The following PARD3 variants were observed in gnomAD, a reference collection of about 807,000 sequenced individuals.
PARD3 encodes the protein par-3 family cell polarity regulator.
A neutral mutation model predicts 155.4 loss-of-function variants in PARD3; 75 were observed. That is an observed-to-expected ratio of 0.48 (90% CI 0.40 to 0.58). The LOEUF is 0.58. Among genes scored for constraint, PARD3 ranks in the 20% least tolerant of loss-of-function variants. The pLI is 0.00. For missense variants in PARD3, 1,642 were observed against 1,721.7 expected (o/e 0.95, Z 0.82); for synonymous variants, 576 against 610.5 (o/e 0.94, Z 0.83).
At chr10:34,724,134 T>C (rs963663768) in intron 1 of PARD3, among the ~76,000 whole-genome samples, 1 of 152,182 alleles carries the variant, frequency 6.6e-6, no homozygotes, top group Admixed American at 6.5e-5. Context: ...AAAATTCAAA[T>C]AAACTCAGTG....
At chr10:34,745,853 C>A (rs1835241166) in intron 1 of PARD3, among the ~76,000 whole-genome samples, 1 of 152,158 alleles carries the variant, frequency 6.6e-6, no homozygotes, top group African/African-American at 2.4e-5. Context: ...GTAATCCCAG[C>A]ACTTTGGGAG....
intron 23 of PARD3, among the ~76,000 whole-genome samples, chr10:34,128,308 A>G (rs1416181321): frequency 6.6e-6 from 1 of 152,174 alleles, no homozygotes; most frequent in African/African-American, 2.4e-5. Context: ...TCCCCTGCCT[A>G]TTCAATCTGA....
intron 22 of PARD3, among the ~76,000 whole-genome samples, chr10:34,250,062 C>T (rs1014436865): frequency 2.0e-5 from 3 of 152,014 alleles, no homozygotes; most frequent in African/African-American, 7.3e-5. Flanking sequence ...CTGCTGCATA[C>T]AATAAGTCCA....
intron 2 of PARD3, among the ~76,000 whole-genome samples, chr10:34,657,269 GCA>G (rs1382167998): frequency 6.6e-6 from 1 of 151,948 alleles, no homozygotes; most frequent in Non-Finnish European, 1.5e-5. Flanking sequence ...TCGAGAACAT[GCA>G]CACTTTCAAA....
intron 2 of PARD3, among the ~76,000 whole-genome samples, chr10:34,684,832 TATATACACACACAC>T (rs1564504853): frequency 7.0e-5 from 4 of 57,306 alleles, no homozygotes; most frequent in African/African-American, 3.2e-4. Flanking sequence ...CACACACACA[TATATACACACACAC>T]ATATATATAC....
At chr10:34,182,814 A>C (rs1441866927) in intron 22 of PARD3, among the ~76,000 whole-genome samples, 1 of 151,950 alleles carries the variant, frequency 6.6e-6, no homozygotes, top group Admixed American at 6.5e-5. Context: ...AGTGAGACGT[A>C]ACTATTGGTG....
intron 22 of PARD3, among the ~76,000 whole-genome samples, chr10:34,145,217 ATATATTTTT>A (rs1433370323): frequency 5.2e-5 from 3 of 57,952 alleles, no homozygotes; most frequent in African/African-American, 2.8e-4. Flanking sequence ...ATATATATAT[ATATATTTTT>A]TTTTTTTTTT....
At chr10:34,594,892 G>A (rs2089103446) in intron 2 of PARD3, among the ~76,000 whole-genome samples, 1 of 152,180 alleles carries the variant, frequency 6.6e-6, no homozygotes, top group Non-Finnish European at 1.5e-5. Context: ...CCAAGTTTTG[G>A]CATCTCCAGT....
intron 1 of PARD3, among the ~76,000 whole-genome samples, chr10:34,804,295 C>A (rs1843119187): frequency 6.6e-6 from 1 of 152,250 alleles, no homozygotes; most frequent in South Asian, 2.1e-4. Context: ...CCTTGGCCTC[C>A]CAAAGTGCTG....
intron 2 of PARD3, among the ~76,000 whole-genome samples, chr10:34,688,648 G>T (rs2093993672): frequency 6.6e-6 from 1 of 152,132 alleles, no homozygotes; most frequent in Non-Finnish European, 1.5e-5. Flanking sequence ...CTACTCCAAG[G>T]GGCCAGGGTA....
At chr10:34,333,536 A>G (rs1008583735) in intron 18 of PARD3, among the ~76,000 whole-genome samples, 1 of 152,216 alleles carries the variant, frequency 6.6e-6, no homozygotes, top group Non-Finnish European at 1.5e-5. Context: ...TGGAAGGTCA[A>G]TGAACTACTC....
rs376357232 is a variant in PARD3 at position 34,450,420 on chromosome 10, C to G, written c.611G>C (p.Arg204Pro). 7.0e-5 allele frequency: 113 copies of G among 1,613,196 alleles called. No individual in the cohort carries two copies. Among genetic ancestry groups the G allele is most frequent in the Non-Finnish European group, 8.6e-5 (101 of 1,179,760 alleles). The change falls in exon 5 of 25, where the codon CGG (arginine) becomes CCG (proline). Residue 204 changes from arginine (R) to proline (P), a missense_variant. Arg to Pro is a moderately radical substitution (Grantham distance 103, BLOSUM62 -2). This residue lies in a region of PARD3 where 1,529 missense variants were observed against 1,587.3 expected (regional missense o/e 0.96). Coordinates refer to ENST00000374788, the MANE Select transcript of PARD3 (RefSeq NM_001184785.2). ...KKDENYRSLPRDTSNWSNQFQ... is the reference protein window; with the variant it reads ...KKDENYRSLPPDTSNWSNQFQ... ...TTGGTTAGACCAGTTACTAGTATCC[C>G]GCGGGAGGCTTCTGTAGTTTTCATC... is the stretch of plus-strand genomic sequence containing the variant.
chr10:34,498,278 G>T (rs1017855452), intron 3 of PARD3, among the ~76,000 whole-genome samples: 1 of 152,106 alleles, frequency 6.6e-6, no homozygotes, highest in African/African-American at 2.4e-5. Context: ...AAAGTCTGAG[G>T]GAGATGCATA....
intron 22 of PARD3, among the ~76,000 whole-genome samples, chr10:34,231,266 C>A (rs953747697): frequency 4.6e-3 from 374 of 81,638 alleles, no homozygotes; most frequent in South Asian, 7.2e-3. Context: ...TAATCTTAGG[C>A]AAAAAAAAAA....
intron 2 of PARD3, among the ~76,000 whole-genome samples, chr10:34,546,318 C>T (rs1482212009): frequency 6.6e-6 from 1 of 151,876 alleles, no homozygotes; most frequent in African/African-American, 2.4e-5. Flanking sequence ...GGGTTCGAGA[C>T]CAGTCTGTCC....
intron 2 of PARD3, among the ~76,000 whole-genome samples, chr10:34,687,172 A>G (rs955555057): frequency 1.3e-4 from 20 of 152,228 alleles, no homozygotes; most frequent in African/African-American, 4.8e-4. Context: ...AAATTATTAT[A>G]GCACATTTCA....
intron 1 of PARD3, among the ~76,000 whole-genome samples, chr10:34,738,582 C>T (rs2094956131): frequency 6.6e-6 from 1 of 152,226 alleles, no homozygotes; most frequent in South Asian, 2.1e-4. Flanking sequence ...CATCTCTACA[C>T]ATAATTTAAA....
At chr10:34,349,147 G>A (rs1007106141) in intron 14 of PARD3, among the ~76,000 whole-genome samples, 8 of 152,156 alleles carry the variant, frequency 5.3e-5, no homozygotes, top group African/African-American at 1.9e-4. Flanking sequence ...CACAGCGGGA[G>A]AGAAGGCGCT....
chr10:34,398,262 T>C lies in PARD3; in HGVS notation c.890+1068A>G, dbSNP rs190003695. ...TTACTTACAAGTAACAAGAAAGTAC[T>C]ACCATTGTTCAAATACTCATTTAAA... On this transcript the variant is annotated intron_variant, in intron 7 of 24. Coordinates refer to ENST00000374788, the MANE Select transcript of PARD3 (RefSeq NM_001184785.2). Among the ~76,000 whole-genome samples, 18 of 152,258 alleles carry C rather than the reference T, an allele frequency of 1.2e-4. 1 individual carries two copies. In the East Asian group the frequency reaches 2.7e-3, roughly 23 times the overall value.
Sources: allele counts gnomAD v4.1 joint callset (sites outside exome capture counted in the v4.1 genomes callset), GRCh38; gene constraint gnomAD v4.1.1; regional missense constraint gnomAD v4.1.1; transcripts MANE v1.5; gene names NCBI Gene and HGNC (gene_info 2026-07-23, HGNC 2026-07-21).